CCDC197: variants seen among roughly 807,000 people sequenced by gnomAD.
The protein encoded by CCDC197 is uncharacterized protein CCDC197.
CCDC197 carries 24 observed loss-of-function variants against 13.4 expected under a neutral mutation model. The ratio of observed to expected loss-of-function variants is 1.80; its 90% CI spans 1.30 to 2.53. The LOEUF is 2.53. CCDC197 is among the 30% of genes most tolerant of loss of function. The pLI, the probability that CCDC197 is intolerant of heterozygous loss-of-function variation, is 0.00. For synonymous variants in CCDC197, 99 were observed against 55.5 expected, an observed-to-expected ratio of 1.78 and a Z score of -3.48; for missense variants, 255 against 148.8, an observed-to-expected ratio of 1.71 and a Z score of -3.71.
At chr14:94,001,109 G>A (rs746362316) in intron 3 of CCDC197, 36 bp from the exon 4 acceptor site, 2 of 728,786 alleles carry the variant, frequency 2.7e-6, no homozygotes, top group African/African-American at 1.7e-5. Context: ...CACTGCAGGG[G>A]CACCCACCCA....
chr14:94,004,193 C>G (rs1379930986), intron 5 of CCDC197, among the ~76,000 whole-genome samples: 2 of 152,184 alleles, frequency 1.3e-5, no homozygotes, highest in African/African-American at 4.8e-5. Flanking sequence ...CTGGTCACCC[C>G]TGGACCCCGG....
chr14:94,008,494 G>T (rs1407652116), intron 6 of CCDC197, 115 bp from the exon 7 acceptor site: 1 of 637,212 alleles, frequency 1.6e-6, no homozygotes, highest in African/African-American at 1.8e-5. Flanking sequence ...CCTTTGCAGG[G>T]CGCTTGTGAG....
chr14:94,002,013 T>C (rs549217518), intron 4 of CCDC197, among the ~76,000 whole-genome samples: 1 of 152,214 alleles, frequency 6.6e-6, no homozygotes, highest in Non-Finnish European at 1.5e-5. Context: ...CTTTGGAGAA[T>C]GGAATTCATG....
At chr14:93,987,668 C>T (rs1890122285) in intron 1 of CCDC197, among the ~76,000 whole-genome samples, 1 of 152,168 alleles carries the variant, frequency 6.6e-6, no homozygotes, top group Admixed American at 6.5e-5. Context: ...GGCGGGCAGC[C>T]CCAGGTCCTC....
chr14:94,010,938 T>A (rs1371307724), downstream of CCDC197, among the ~76,000 whole-genome samples: 3 of 152,136 alleles, frequency 2.0e-5, no homozygotes, highest in Admixed American at 6.5e-5. Flanking sequence ...CAATGCAGAG[T>A]GTGGACCCAC....
intron 1 of CCDC197, among the ~76,000 whole-genome samples, chr14:93,990,723 T>C (rs920134241): frequency 6.6e-6 from 1 of 152,158 alleles, no homozygotes; most frequent in African/African-American, 2.4e-5. Context: ...CCAGCTTGGC[T>C]GGAGAGCATT....
At chr14:93,996,901 C>G (rs1890330620), upstream of CCDC197, among the ~76,000 whole-genome samples, 1 of 152,216 alleles carries the variant, frequency 6.6e-6, no homozygotes, top group Non-Finnish European at 1.5e-5. Context: ...TGCTCCCACC[C>G]CCTGCACGGA....
intron 3 of CCDC197, among the ~76,000 whole-genome samples, chr14:94,000,065 C>T (rs1343985695): frequency 6.6e-6 from 1 of 151,956 alleles, no homozygotes; most frequent in Non-Finnish European, 1.5e-5. Flanking sequence ...TTTTGTGTTG[C>T]TATTATTAAC....
chr14:93,987,630 T>C (rs1890121500), intron 1 of CCDC197, among the ~76,000 whole-genome samples: 1 of 152,080 alleles, frequency 6.6e-6, no homozygotes, highest in African/African-American at 2.4e-5. Context: ...GCAGCCTGGC[T>C]CCCTTCCTCT....
chr14:94,011,109 C>T (rs559098266), downstream of CCDC197, among the ~76,000 whole-genome samples: 1 of 152,186 alleles, frequency 6.6e-6, no homozygotes, highest in Non-Finnish European at 1.5e-5. Context: ...CACCAACTAC[C>T]CCTGCCTGGA....
At chr14:94,000,900 C>A in intron 3 of CCDC197, 2 of 378,490 alleles carry the variant, frequency 5.3e-6, no homozygotes, top group East Asian at 9.2e-5. Flanking sequence ...ATCCAGAATC[C>A]CTGTCTCAGT....
At chr14:93,994,543 G>A (rs1431772555), upstream of CCDC197, among the ~76,000 whole-genome samples, 1 of 152,208 alleles carries the variant, frequency 6.6e-6, no homozygotes, top group East Asian at 1.9e-4. Context: ...GGGAGAAACG[G>A]CTCCCAAGGA....
intron 3 of CCDC197, 125 bp from the exon 4 acceptor site, chr14:94,001,020 T>A (rs1890480644): frequency 5.2e-6 from 3 of 578,332 alleles, no homozygotes; most frequent in Non-Finnish European, 9.4e-6. Context: ...TCTGGGGTCA[T>A]CCTACTGTCA....
At chr14:93,993,966 C>A (rs1237805395), upstream of CCDC197, among the ~76,000 whole-genome samples, 1 of 152,180 alleles carries the variant, frequency 6.6e-6, no homozygotes, top group Non-Finnish European at 1.5e-5. Flanking sequence ...AAGTTCCTTT[C>A]ACCCTCCATG....
chr14:93,998,788 G>A (rs954563850), intron 2 of CCDC197, among the ~76,000 whole-genome samples: 8 of 152,230 alleles, frequency 5.3e-5, no homozygotes, highest in Admixed American at 1.3e-4. Context: ...CGTGGTATCT[G>A]TGGGAAGGAT....
chr14:93,987,305 GA>G (rs1237776057), exon 1 of CCDC197: 1 of 152,340 alleles, frequency 6.6e-6, no homozygotes, highest in Non-Finnish European at 1.5e-5. Context: ...GCAGTACCCA[GA>G]GGTCTGGTTT....
chr14:94,005,046 T>C (rs1890642119), intron 6 of CCDC197, 75 bp downstream of exon 6: 5 of 655,578 alleles, frequency 7.6e-6, no homozygotes, highest in Non-Finnish European at 1.1e-5. Flanking sequence ...TCCTGCTCCT[T>C]AGCCCAGGCT....
intron 2 of CCDC197, 147 bp downstream of exon 2, chr14:93,998,382 G>A (rs957438719): frequency 6.1e-6 from 4 of 650,758 alleles, no homozygotes; most frequent in African/African-American, 5.3e-5. Context: ...AATGGGCGGG[G>A]TGGGGCTGAG....
chr14:93,999,636 T>C lies in CCDC197; in HGVS notation c.158T>C (p.Leu53Pro), dbSNP rs1890430529. The C allele has an allele frequency of 1.3e-6, 1 of 780,942 alleles. No individual in the cohort carries two copies. Among genetic ancestry groups the C allele is most frequent in the Non-Finnish European group, 2.4e-6 (1 of 418,152 alleles). 48.4% of individuals were successfully genotyped at this position (780,942 alleles called of 1,614,324 possible). ...VEKHKLFEDYLIKVLEKIPEG... is the reference protein window; with the variant it reads ...VEKHKLFEDYPIKVLEKIPEG... ...AAGCACAAGCTTTTTGAAGACTATC[T>C]GATTAAGGTCCTTGAGAAAATCCCC... Residue 53 changes from leucine (L) to proline (P), a missense_variant, in exon 3 of 7, where the codon CTG (leucine) becomes CCG (proline). Transcript: ENST00000636493.
Sources: allele counts gnomAD v4.1 joint callset (sites outside exome capture counted in the v4.1 genomes callset), GRCh38; gene constraint gnomAD v4.1.1; transcripts MANE v1.5; gene names NCBI Gene and HGNC (gene_info 2026-07-23, HGNC 2026-07-21).